Variants in NTM observed in about 807,000 individuals in gnomAD.
The protein encoded by NTM is IgLON family member 2.
Under a neutral mutation model 42.1 loss-of-function variants are expected in NTM, and 13 were observed. The ratio of observed to expected loss-of-function variants is 0.31; its 90% CI spans 0.20 to 0.49. The LOEUF is 0.49. Among genes scored for constraint, NTM ranks in the 20% least tolerant of loss-of-function variants. NTM has a pLI of 0.99. For synonymous variants in NTM, 187 were observed against 179.2 expected (o/e 1.04, Z -0.35); for missense variants, 373 against 452.8 (o/e 0.82, Z 1.60).
chr11:131,605,559 T>G (rs761222238), intron 1 of NTM, among the ~76,000 whole-genome samples: 1 of 152,224 alleles, frequency 6.6e-6, no homozygotes, highest in African/African-American at 2.4e-5. Flanking sequence ...CTTTTTTGCC[T>G]AACTGCCAGT....
chr11:131,447,600 G>C (rs1950159372), intron 1 of NTM, among the ~76,000 whole-genome samples: 1 of 152,100 alleles, frequency 6.6e-6, no homozygotes. Context: ...AATAAATATG[G>C]TTTGTTTGTA....
chr11:131,381,257 A>C lies in NTM; in HGVS notation c.82+10369A>C, dbSNP rs575702783. On this transcript the variant is annotated intron_variant, in intron 1 of 8. Coordinates refer to ENST00000683400, the MANE Select transcript of NTM (RefSeq NM_001352005.2). Reference sequence around the variant, plus strand: ...CTAGTTGGAGAAGGTGAAGTGGTCCAGTGTTTTTTAGCTGTTTCTCCAAAT... The same window carrying C: ...CTAGTTGGAGAAGGTGAAGTGGTCCCGTGTTTTTTAGCTGTTTCTCCAAAT... Among the ~76,000 whole-genome samples the C allele has an allele frequency of 4.6e-5, 7 of 152,302 alleles. No individual in the cohort carries two copies. The South Asian group carries it at 8.3e-4, about 18-fold the overall frequency.
chr11:131,688,427 C>G (rs2074216683), intron 1 of NTM, among the ~76,000 whole-genome samples: 1 of 152,238 alleles, frequency 6.6e-6, no homozygotes, highest in Non-Finnish European at 1.5e-5. Context: ...GCCTTCCAAA[C>G]ACATCAGAAT....
intron 1 of NTM, chr11:131,534,406 A>T (rs56152692): frequency 0.093 from 14,226 of 152,266 alleles, 929 homozygotes; most frequent in African/African-American, 0.18. Flanking sequence ...CGCACCCCAC[A>T]CACTTTAGAA....
At chr11:132,263,331 C>A (rs1337718318) in intron 4 of NTM, among the ~76,000 whole-genome samples, 1 of 152,200 alleles carries the variant, frequency 6.6e-6, no homozygotes, top group Non-Finnish European at 1.5e-5. Flanking sequence ...CTTCCCTTGT[C>A]TTGAAGAATT....
intron 1 of NTM, among the ~76,000 whole-genome samples, chr11:131,503,602 A>G (rs141471480): frequency 0.03 from 4,552 of 151,392 alleles, 229 homozygotes; most frequent in African/African-American, 0.1. Context: ...GGCTCACTGT[A>G]GCCTTAACCT....
At chr11:131,894,299 C>T (rs537400358) in intron 1 of NTM, among the ~76,000 whole-genome samples, 2 of 152,334 alleles carry the variant, frequency 1.3e-5, no homozygotes, top group Admixed American at 6.5e-5. Context: ...GGCCTAAAGG[C>T]ACTTTCACCC....
intron 1 of NTM, among the ~76,000 whole-genome samples, chr11:131,554,156 A>G (rs2055077704): frequency 6.6e-6 from 1 of 152,186 alleles, no homozygotes; most frequent in South Asian, 2.1e-4. Context: ...CTCTTTTGCT[A>G]TAATGTGTTG....
chr11:131,651,823 A>G (rs2066517292), intron 1 of NTM, among the ~76,000 whole-genome samples: 1 of 151,976 alleles, frequency 6.6e-6, no homozygotes, highest in Non-Finnish European at 1.5e-5. Flanking sequence ...TCTGGAAACA[A>G]TGTGAGACTC....
chr11:131,770,827 G>T (rs1646500301), intron 1 of NTM: 1 of 152,092 alleles, frequency 6.6e-6, no homozygotes, highest in South Asian at 2.1e-4. Context: ...ACTGTTTCTT[G>T]AGTCAACTGG....
At chr11:131,498,276 C>A (rs531346759) in intron 1 of NTM, among the ~76,000 whole-genome samples, 3 of 152,162 alleles carry the variant, frequency 2.0e-5, no homozygotes, top group Non-Finnish European at 4.4e-5. Context: ...CAGAACTGAG[C>A]TTTAGTTCCT....
At chr11:131,460,293 T>C (rs896142281) in intron 1 of NTM, among the ~76,000 whole-genome samples, 27 of 150,512 alleles carry the variant, frequency 1.8e-4, no homozygotes, top group African/African-American at 6.7e-4. Flanking sequence ...TTGAAATCTC[T>C]CACTTGGTTC....
intron 2 of NTM, among the ~76,000 whole-genome samples, chr11:132,050,441 G>A (rs577166694): frequency 3.9e-5 from 6 of 152,346 alleles, no homozygotes; most frequent in Admixed American, 6.5e-5. Context: ...GGGGGGAAAG[G>A]GGCTGGGCAA....
intron 1 of NTM, among the ~76,000 whole-genome samples, chr11:131,834,922 G>A (rs1031071960): frequency 6.6e-6 from 1 of 151,020 alleles, no homozygotes; most frequent in African/African-American, 2.4e-5. Flanking sequence ...CAGGGGTCAG[G>A]TAGCTAAAAT....
intron 2 of NTM, among the ~76,000 whole-genome samples, chr11:131,932,274 T>G (rs1036456996): frequency 4.6e-5 from 7 of 152,048 alleles, no homozygotes; most frequent in African/African-American, 1.7e-4. Context: ...GTGGGGCGGG[T>G]CGATGGGAAA....
chr11:132,114,089 G>A (rs1051118247), intron 2 of NTM, among the ~76,000 whole-genome samples: 2 of 152,140 alleles, frequency 1.3e-5, no homozygotes, highest in East Asian at 1.9e-4. Flanking sequence ...TCTTTAAAAG[G>A]CGTCTTTTGA....
At chr11:131,523,319 G>A (rs2050003912) in intron 1 of NTM, among the ~76,000 whole-genome samples, 1 of 152,222 alleles carries the variant, frequency 6.6e-6, no homozygotes, top group Admixed American at 6.5e-5. Context: ...AAAAGCAAAT[G>A]ATGGTTAAAG....
intron 1 of NTM, chr11:131,795,367 A>G (rs925921818): frequency 7.0e-5 from 69 of 983,622 alleles, no homozygotes; most frequent in Non-Finnish European, 7.8e-5. Context: ...GTTATGAGCT[A>G]TTTACTTAGC....
chr11:131,605,014 C>A (rs114823161), intron 1 of NTM, among the ~76,000 whole-genome samples: 2,612 of 151,406 alleles, frequency 0.017, 70 homozygotes, highest in African/African-American at 0.059. Context: ...CAACTTTGTT[C>A]TTATTTTTCA....
Sources: gnomAD v4.1 joint callset for allele counts (sites outside exome capture counted in the v4.1 genomes callset) on GRCh38, gnomAD v4.1.1 for gene constraint, MANE v1.5 for transcripts, NCBI Gene and HGNC (gene_info 2026-07-23, HGNC 2026-07-21) for gene names.